The following LMX1A variants were observed in gnomAD, a reference collection of about 807,000 sequenced individuals.
The protein encoded by LMX1A is LIM homeobox transcription factor 1-alpha.
In LMX1A, 15 loss-of-function variants were observed where a neutral mutation model predicts 49.1. The observed-to-expected ratio is 0.31, with a 90% confidence interval of 0.20 to 0.47. The LOEUF is 0.47. Among genes scored for constraint, LMX1A ranks in the 20% least tolerant of loss-of-function variants. LMX1A has a pLI of 1.00. For missense variants in LMX1A, 372 were observed against 475.8 expected, an observed-to-expected ratio of 0.78 and a Z score of 2.03; for synonymous variants, 167 against 185.7, an observed-to-expected ratio of 0.90 and a Z score of 0.82.
chr1:165,265,419 A>G (rs2101690127), intron 3 of LMX1A, among the ~76,000 whole-genome samples: 1 of 152,310 alleles, frequency 6.6e-6, no homozygotes, highest in African/African-American at 2.4e-5. Context: ...AGCCAGGCAC[A>G]AGGGCAGGGA....
chr1:165,273,512 G>A (rs892646174), intron 3 of LMX1A, among the ~76,000 whole-genome samples: 1 of 152,136 alleles, frequency 6.6e-6, no homozygotes, highest in African/African-American at 2.4e-5. Context: ...TGTCAATTGA[G>A]ACCTCACCTT....
chr1:165,212,516 G>GT (rs5778429), intron 5 of LMX1A, among the ~76,000 whole-genome samples: 111,612 of 149,424 alleles, frequency 0.75, 41,914 homozygotes, highest in East Asian at 0.99. Context: ...CTTTTTGTTT[G>GT]TTTTTTTTTT....
chr1:165,203,885 A>G lies in LMX1A; in HGVS notation c.1144T>C (p.Ser382Pro). 6.2e-6 allele frequency: 10 copies of G among 1,613,966 alleles called. No individual in the cohort carries two copies. The highest frequency in any genetic ancestry group is 8.5e-6 in the Non-Finnish European group (10 of 1,179,908). The change falls in exon 9 of 9, where the codon TCT becomes CCT. Residue 382 changes from serine to proline, a missense_variant. Around this residue, in one of 3 missense-constraint regions of LMX1A, gnomAD observed 127 missense variants for 138.0 expected, o/e 0.92. Transcript: ENST00000342310. ...ACAGAACTCTAGGGGAAGACTCAAG[A>G]TGTGAAGTAAGAATTCTGCATGGAG... ...LYSMQNSYFTS is the reference protein window; with the variant it reads ...LYSMQNSYFTP
At chr1:165,272,545 CCCCT>C (rs1365666992) in intron 3 of LMX1A, among the ~76,000 whole-genome samples, 2 of 152,158 alleles carry the variant, frequency 1.3e-5, no homozygotes, top group Non-Finnish European at 2.9e-5. Flanking sequence ...AGAGTGTGCA[CCCCT>C]CTATCAACAC....
chr1:165,340,817 A>G (rs1219952563), intron 3 of LMX1A, among the ~76,000 whole-genome samples: 1 of 152,134 alleles, frequency 6.6e-6, no homozygotes, highest in Non-Finnish European at 1.5e-5. Context: ...GTAACAGTCC[A>G]CCTTGTCCCT....
intron 3 of LMX1A, among the ~76,000 whole-genome samples, chr1:165,276,619 G>T (rs530414701): frequency 2.7e-4 from 41 of 151,096 alleles, no homozygotes; most frequent in Admixed American, 1.2e-3. Flanking sequence ...AGTCACGTTA[G>T]ACAGTGCTAT....
intron 4 of LMX1A, among the ~76,000 whole-genome samples, chr1:165,221,062 A>C (rs530690449): frequency 1.3e-5 from 2 of 152,292 alleles, no homozygotes; most frequent in East Asian, 3.9e-4. Context: ...CAGATGAGCA[A>C]ACTGAGGCCC....
chr1:165,312,369 T>A (rs1334000689), intron 3 of LMX1A, among the ~76,000 whole-genome samples: 3 of 152,218 alleles, frequency 2.0e-5, no homozygotes, highest in Admixed American at 6.5e-5. Flanking sequence ...TTAGTTTTTT[T>A]ATACATAAAA....
intron 4 of LMX1A, among the ~76,000 whole-genome samples, chr1:165,244,088 G>A (rs1446208194): frequency 6.6e-6 from 1 of 152,158 alleles, no homozygotes; most frequent in African/African-American, 2.4e-5. Flanking sequence ...CATTGCCTAT[G>A]TAATAAAACT....
chr1:165,275,982 T>C (rs890571711), intron 3 of LMX1A, among the ~76,000 whole-genome samples: 1 of 151,764 alleles, frequency 6.6e-6, no homozygotes, highest in Admixed American at 6.6e-5. Context: ...TGTTTGGGAA[T>C]GTCGCTGAGT....
intron 3 of LMX1A, among the ~76,000 whole-genome samples, chr1:165,263,669 A>G (rs1653518387): frequency 1.3e-5 from 2 of 152,208 alleles, no homozygotes; most frequent in African/African-American, 4.8e-5. Context: ...GGGTTATCCT[A>G]CTACCTAAAT....
chr1:165,237,730 T>C (rs1046735650), intron 4 of LMX1A, among the ~76,000 whole-genome samples: 2 of 152,270 alleles, frequency 1.3e-5, no homozygotes, highest in South Asian at 4.1e-4. Flanking sequence ...TTGCCACCAA[T>C]CCTTAGTAAA....
intron 3 of LMX1A, among the ~76,000 whole-genome samples, chr1:165,296,128 A>G (rs1050977746): frequency 6.6e-6 from 1 of 152,218 alleles, no homozygotes; most frequent in Admixed American, 6.5e-5. Flanking sequence ...TCCTTCGTCT[A>G]TCACACTCTG....
Position 165,224,588 on chromosome 1 carries a change from A to T in LMX1A, c.497-10775T>A, listed in dbSNP as rs562087398. On this transcript the variant is annotated intron_variant, in intron 4 of 8. Coordinates refer to ENST00000342310, the MANE Select transcript of LMX1A (RefSeq NM_177398.4). ...ATAAGCTTCCAGAAAACAGAGTTCA[A>T]GTCTAAATCATCTTTGTATCCTCCA... is the stretch of plus-strand genomic sequence containing the variant. Among the ~76,000 whole-genome samples the T allele has an allele frequency of 5.9e-5, 9 of 152,340 alleles. No homozygotes were observed. In the East Asian group the frequency reaches 9.6e-4, roughly 16 times the overall value.
intron 3 of LMX1A, among the ~76,000 whole-genome samples, chr1:165,273,362 A>C (rs1248368109): frequency 6.6e-6 from 1 of 152,100 alleles, no homozygotes; most frequent in Non-Finnish European, 1.5e-5. Flanking sequence ...CTCAGTAGGC[A>C]CCTCCTAACA....
rs1337180794 is a variant in LMX1A, at chr1:165,274,242, A to C, written c.264-24602T>G. 2.6e-5 allele frequency among the ~76,000 whole-genome samples: 4 copies of C among 152,136 alleles called. No individual in the cohort carries two copies. The East Asian group carries it at 7.7e-4, about 29-fold the overall frequency. Reference sequence around the variant, plus strand: ...CCATCCATTGCCAATACCTCTACACACGTATGTATTTGCACTTTAATCTTT... The same window carrying C: ...CCATCCATTGCCAATACCTCTACACCCGTATGTATTTGCACTTTAATCTTT... On this transcript the variant is annotated intron_variant, in intron 3 of 8. Coordinates refer to ENST00000342310, the MANE Select transcript of LMX1A (RefSeq NM_177398.4).
chr1:165,304,634 CAAGCTTTTCA>C (rs142174374), intron 3 of LMX1A, among the ~76,000 whole-genome samples: 2,260 of 152,322 alleles, frequency 0.015, 66 homozygotes, highest in African/African-American at 0.052. Flanking sequence ...TCCCCTGCTT[CAAGCTTTTCA>C]AAGATCCCTA....
intron 3 of LMX1A, among the ~76,000 whole-genome samples, chr1:165,341,228 G>T (rs1315287755): frequency 6.6e-6 from 1 of 152,120 alleles, no homozygotes; most frequent in Non-Finnish European, 1.5e-5. Context: ...TACCCTAAAT[G>T]CTCTTGATGT....
intron 3 of LMX1A, among the ~76,000 whole-genome samples, chr1:165,310,255 C>T (rs1327233693): frequency 6.6e-6 from 1 of 152,126 alleles, no homozygotes; most frequent in African/African-American, 2.4e-5. Context: ...CCTCTTTAAC[C>T]CAGATTTGGT....
Sources: allele counts gnomAD v4.1 joint callset (sites outside exome capture counted in the v4.1 genomes callset), GRCh38; gene constraint gnomAD v4.1.1; regional missense constraint gnomAD v4.1.1; transcripts MANE v1.5; gene names NCBI Gene and HGNC (gene_info 2026-07-23, HGNC 2026-07-21).